Variants in FARP2 observed in about 807,000 individuals in gnomAD.
The protein encoded by FARP2 is FERM, ARHGEF and pleckstrin domain-containing protein 2.
FARP2 carries 111 observed loss-of-function variants against 130.5 expected under a neutral mutation model. The observed-to-expected ratio is 0.85, with a 90% CI of 0.73 to 1.00. FARP2 has a LOEUF of 1.00. FARP2 is among the 50% of genes least tolerant of loss of function. The pLI is 0.00. For synonymous variants in FARP2, 504 were observed against 516.9 expected (o/e 0.98, Z 0.34); for missense variants, 1,385 against 1,346.3 (o/e 1.03, Z -0.45).
Position 241,456,842 on chromosome 2 carries a change from C to A in FARP2, c.1507C>A (p.Gln503Lys). ...AFQVPLGPAE[Q>K]GSSPLLSPVL... is the part of the protein sequence containing the mutation. ...TCAGGTGCCTTTGGGCCCAGCTGAA[C>A]AGGGCTCATCCCCACTCCTGAGCCC... The change falls in exon 14 of 27, where the codon CAG becomes AAG. Residue 503 changes from glutamine (Q) to lysine (K), a missense_variant. Gln to Lys is a moderately conservative substitution (Grantham distance 53). Transcript: ENST00000264042. 6.2e-7 allele frequency: 1 copy of A among 1,614,092 alleles called. No homozygotes were observed. The highest frequency in any genetic ancestry group is 1.1e-5 in the South Asian group (1 of 91,090).
rs542713014 is a variant in FARP2, at chr2:241,434,145, G to A, written c.868-13G>A. 1.1e-4 allele frequency: 177 copies of A among 1,584,336 alleles called. 2 individuals carry two copies. The South Asian group carries it at 1.9e-3, about 17-fold the overall frequency. On this transcript the variant is annotated splice_polypyrimidine_tract_variant and intron_variant, in intron 9 of 26. Transcript: ENST00000264042. Reference sequence around the variant, plus strand: ...CATTCTTGAATTAATTAACCTTTGTGTTTTGTTTCTAGGGACCTTACCAGG... The same window carrying A: ...CATTCTTGAATTAATTAACCTTTGTATTTTGTTTCTAGGGACCTTACCAGG...
chr2:241,396,341 A>G (rs1208604985), intron 2 of FARP2, among the ~76,000 whole-genome samples: 1 of 152,170 alleles, frequency 6.6e-6, no homozygotes, highest in African/African-American at 2.4e-5. Flanking sequence ...AATGGGATCT[A>G]ATTAAACTAA....
intron 1 of FARP2, among the ~76,000 whole-genome samples, chr2:241,366,130 T>TATAC (rs1559702264): frequency 1.1e-5 from 1 of 91,078 alleles, no homozygotes; most frequent in African/African-American, 4.5e-5. Context: ...TACGTATATA[T>TATAC]ATATATATAC....
In FARP2 at chr2:241,431,655, A is replaced by G. The variant is rs769386901; in HGVS notation, c.772-24A>G. On this transcript the variant is annotated intron_variant, in intron 8 of 26. Coordinates refer to ENST00000264042, the MANE Select transcript of FARP2 (RefSeq NM_014808.4). ...GGGTTATGTGCCAGATACAAATGTA[A>G]TCTGTCTGTCTCTTGCATTTCAGGG... The G allele has an allele frequency of 5.6e-6, 7 of 1,251,496 alleles. No individual in the cohort carries two copies. The Admixed American group carries it at 8.7e-5, about 16-fold the overall frequency. 77.5% of individuals were successfully genotyped at this position (1,251,496 alleles called of 1,614,324 possible). A position where few individuals can be genotyped will look rare whatever the true frequency, so the allele number is the denominator to read the frequency against.
chr2:241,373,513 C>T (rs1454592878), intron 2 of FARP2, among the ~76,000 whole-genome samples: 37 of 152,182 alleles, frequency 2.4e-4, no homozygotes, highest in Admixed American at 2.4e-3. Context: ...TTTGGTCTTT[C>T]TACTCATCTT....
intron 10 of FARP2, 31 bp from the exon 11 acceptor site, chr2:241,434,931 C>T: frequency 7.6e-7 from 1 of 1,317,820 alleles, no homozygotes; most frequent in South Asian, 1.2e-5. Context: ...ACTTACTGTT[C>T]TTTATTAAAA....
At chr2:241,442,952 A>G (rs2063424877) in intron 13 of FARP2, 1 of 199,408 alleles carries the variant, frequency 5.0e-6, no homozygotes, top group Non-Finnish European at 1.0e-5. Context: ...ATAATTAACT[A>G]GGACACAGGT....
intron 4 of FARP2, among the ~76,000 whole-genome samples, chr2:241,406,815 A>AT (rs974612373): frequency 2.7e-5 from 4 of 150,444 alleles, no homozygotes; most frequent in African/African-American, 9.8e-5. Context: ...TTATTTATTT[A>AT]TTTATTTTTT....
chr2:241,486,870 T>G (rs1334049595), intron 21 of FARP2, among the ~76,000 whole-genome samples: 1 of 152,242 alleles, frequency 6.6e-6, no homozygotes, highest in Non-Finnish European at 1.5e-5. Flanking sequence ...AACATGCATC[T>G]TTCCCTCCAC....
chr2:241,415,716 G>A (rs563763146), intron 7 of FARP2, among the ~76,000 whole-genome samples: 1 of 152,318 alleles, frequency 6.6e-6, no homozygotes, highest in Admixed American at 6.5e-5. Context: ...CAGAAGCATG[G>A]AAGGGCACAG....
intron 2 of FARP2, among the ~76,000 whole-genome samples, chr2:241,387,790 CAAAAAAA>C (rs200728771): frequency 1.1e-5 from 1 of 93,912 alleles, no homozygotes; most frequent in Non-Finnish European, 2.2e-5. Flanking sequence ...GAGACTGTCT[CAAAAAAA>C]AAAAAAAAAA....
At chr2:241,422,471 C>T (rs1162810716) in intron 8 of FARP2, among the ~76,000 whole-genome samples, 1 of 151,576 alleles carries the variant, frequency 6.6e-6, no homozygotes, top group Non-Finnish European at 1.5e-5. Context: ...CAAAGGTCAG[C>T]AACCTCAAAG....
intron 12 of FARP2, 51 bp from the exon 13 acceptor site, chr2:241,441,253 G>A: frequency 6.6e-7 from 1 of 1,517,176 alleles, no homozygotes; most frequent in African/African-American, 1.4e-5. Flanking sequence ...ACTTCTAGTG[G>A]TAATTTGTAA....
At chr2:241,427,085 A>G (rs150546758) in intron 8 of FARP2, among the ~76,000 whole-genome samples, 11,491 of 152,112 alleles carry the variant, frequency 0.076, 484 homozygotes, top group Middle Eastern at 0.15. Flanking sequence ...AAATACAAAA[A>G]TTAGCCAGGT....
At chr2:241,411,217 T>C (rs2062510163) in intron 6 of FARP2, 87 bp downstream of exon 6, 1 of 904,682 alleles carries the variant, frequency 1.1e-6, no homozygotes, top group African/African-American at 1.7e-5. Context: ...TGCTGATGTA[T>C]TTGCCTAGTT....
At chr2:241,463,105 T>A (rs1465506374) in intron 15 of FARP2, among the ~76,000 whole-genome samples, 1 of 152,256 alleles carries the variant, frequency 6.6e-6, no homozygotes, top group East Asian at 1.9e-4. Context: ...TTTGTGAAGC[T>A]ATAAAGCTGC....
intron 1 of FARP2, among the ~76,000 whole-genome samples, chr2:241,362,143 T>C (rs1644543101): frequency 6.6e-6 from 1 of 152,076 alleles, no homozygotes; most frequent in African/African-American, 2.4e-5. Flanking sequence ...GTAAACCACC[T>C]GCCTCCGTCT....
At chr2:241,431,584 G>A in intron 8 of FARP2, 95 bp from the exon 9 acceptor site, 2 of 700,464 alleles carry the variant, frequency 2.9e-6, no homozygotes, top group South Asian at 3.3e-5. Context: ...GTAGAGTGCT[G>A]TGTTGGCAAG....
intron 2 of FARP2, among the ~76,000 whole-genome samples, chr2:241,400,912 C>T (rs1459906234): frequency 6.6e-6 from 1 of 152,190 alleles, no homozygotes; most frequent in Non-Finnish European, 1.5e-5. Context: ...AAACCCTGGT[C>T]TGGCTGCATT....
Sources: allele counts gnomAD v4.1 joint callset (sites outside exome capture counted in the v4.1 genomes callset), GRCh38; gene constraint gnomAD v4.1.1; transcripts MANE v1.5; gene names NCBI Gene and HGNC (gene_info 2026-07-23, HGNC 2026-07-21).